Variants in NLRP7 observed in about 807,000 individuals in gnomAD.
The protein encoded by NLRP7 is NLR family pyrin domain containing 7.
A neutral mutation model predicts 85.5 loss-of-function variants in NLRP7; 72 were observed. The observed-to-expected ratio is 0.84, with a 90% CI of 0.70 to 1.02. NLRP7 has a LOEUF of 1.02. NLRP7 is among the 50% of genes least tolerant of loss of function. The pLI, the probability that NLRP7 is intolerant of heterozygous loss-of-function variation, is 0.00. For synonymous variants in NLRP7, 550 were observed against 505.2 expected, an observed-to-expected ratio of 1.09 and a Z score of -1.19; for missense variants, 1,243 against 1,219.5, an observed-to-expected ratio of 1.02 and a Z score of -0.29.
At chr19:54,938,303 C>A in intron 4 of NLRP7, 62 bp from the exon 5 acceptor site, 1 of 1,377,684 alleles carries the variant, frequency 7.3e-7, no homozygotes, top group African/African-American at 1.4e-5. Flanking sequence ...TGGGCATCTG[C>A]AAACCACATT....
upstream of NLRP7, among the ~76,000 whole-genome samples, chr19:54,950,324 C>A (rs145935889): frequency 1.3e-5 from 2 of 152,046 alleles, no homozygotes. Context: ...GGGCATTTCT[C>A]GTTAGGTGGA....
At position 54,938,241 on chromosome 19, in the gene NLRP7, C is replaced by A. The variant is rs200022248; in HGVS notation, c.1932G>T (p.Arg644Ser). 3 of 1,613,706 alleles carry A rather than the reference C, an allele frequency of 1.9e-6. No individual in the cohort carries two copies. Among genetic ancestry groups the A allele is most frequent in the African/African-American group, 1.3e-5 (1 of 75,028 alleles). ...AGTTCGGAATGGTTAGGTAAGTGCA[C>A]CTGCAGGAGAACACACGTTCATCTC... is the stretch of plus-strand genomic sequence containing the variant. The change falls in exon 5 of 10, where the codon AGG becomes AGT. Residue 644 changes from arginine (R) to serine (S), a missense_variant and splice_region_variant. Arg to Ser is a moderately radical substitution (Grantham distance 110). This residue lies in a region of NLRP7 where 613 missense variants were observed against 588.4 expected (regional missense o/e 1.04). Transcript: ENST00000340844.
exon 4 of NLRP7, chr19:54,939,052 G>T (rs61746602): frequency 1.7e-5 from 28 of 1,614,026 alleles, no homozygotes; most frequent in Non-Finnish European, 2.2e-5. Flanking sequence ...CCTTGAACGG[G>T]GCCACCACCA....
At chr19:54,947,012 C>G (rs919626862) in intron 1 of NLRP7, among the ~76,000 whole-genome samples, 1 of 151,648 alleles carries the variant, frequency 6.6e-6, no homozygotes, top group African/African-American at 2.4e-5. Flanking sequence ...CTCCTCTAAA[C>G]TATATTTGAA....
intron 1 of NLRP7, among the ~76,000 whole-genome samples, chr19:54,955,092 C>G (rs564119982): frequency 2.6e-4 from 40 of 152,250 alleles, no homozygotes; most frequent in African/African-American, 9.4e-4. Flanking sequence ...CTTTGGGAGG[C>G]CAAGGCTGGC....
In NLRP7 at chr19:54,941,772, CA is replaced by C. The variant is rs774421674; in HGVS notation, c.-39-23del. ...AGAACTGGGGGGAAAAAAGGAAAAA[CA>C]GTTCACGAGTTACCATCATTAAATG... On this transcript the variant is annotated intron_variant, in intron 1 of 9. Coordinates refer to ENST00000340844, the Ensembl canonical transcript of NLRP7. The C allele has an allele frequency of 1.5e-5, 24 of 1,554,978 alleles. No individual in the cohort carries two copies. The Middle Eastern group carries it at 5.2e-4, about 33-fold the overall frequency.
chr19:54,933,528 G>T (rs1449630242), intron 8 of NLRP7, 41 bp downstream of exon 8: 2 of 1,605,924 alleles, frequency 1.2e-6, no homozygotes, highest in Non-Finnish European at 1.7e-6. Flanking sequence ...TCTCCTGCTT[G>T]AATTCATGTG....
intron 1 of NLRP7, among the ~76,000 whole-genome samples, chr19:54,960,796 C>T (rs988452252): frequency 8.6e-5 from 13 of 151,698 alleles, no homozygotes; most frequent in South Asian, 2.1e-4. Flanking sequence ...GGGGTTTCAC[C>T]GTGTTAGCCA....
chr19:54,965,921 AAATAAT>A (rs1302916950), intron 1 of NLRP7: 1 of 69,102 alleles, frequency 1.4e-5, no homozygotes, highest in Non-Finnish European at 3.0e-5. Flanking sequence ...ATTAAAAATA[AAATAAT>A]AATAATACTG....
At chr19:54,926,258 A>G (rs954315460) in intron 9 of NLRP7, among the ~76,000 whole-genome samples, 3 of 151,950 alleles carry the variant, frequency 2.0e-5, no homozygotes, top group Non-Finnish European at 4.4e-5. Flanking sequence ...ACAAGCTTCC[A>G]GTCTGTACTC....
rs367827849 is a variant in NLRP7 at position 54,940,353 on chromosome 19, G to C, written c.466C>G (p.Arg156Gly). ...CTGGGATTCAAGAATGGAATGAACCGTTGGTTTCTCAGAGTGACGTCGTCA... is the reference window on the plus strand; with the variant it reads ...CTGGGATTCAAGAATGGAATGAACCCTTGGTTTCTCAGAGTGACGTCGTCA... The change falls in exon 4 of 10, where the codon CGG (arginine) becomes GGG (glycine). Residue 156 changes from arginine to glycine, a missense_variant. Transcript: ENST00000340844. 4 of 1,614,072 alleles carry C rather than the reference G, an allele frequency of 2.5e-6. No homozygotes were observed. The highest frequency in any genetic ancestry group is 2.7e-5 in the African/African-American group (2 of 74,936).
chr19:54,947,271 G>A (rs1022656664), intron 1 of NLRP7, among the ~76,000 whole-genome samples, 198 bp downstream of exon 1: 2 of 151,448 alleles, frequency 1.3e-5, no homozygotes, highest in Admixed American at 6.6e-5. Flanking sequence ...AGTTTGCAGC[G>A]AACCAAGATC....
chr19:54,940,579 C>T (rs1286309961), intron 3 of NLRP7, 113 bp from the exon 4 acceptor site: 2 of 1,302,936 alleles, frequency 1.5e-6, no homozygotes, highest in East Asian at 2.3e-5. Flanking sequence ...GTAATCCCGG[C>T]ACTTTGGGAG....
intron 1 of NLRP7, among the ~76,000 whole-genome samples, chr19:54,944,186 C>A (rs781415232): frequency 7.9e-5 from 12 of 151,474 alleles, no homozygotes; most frequent in Non-Finnish European, 1.8e-4. Flanking sequence ...AAGAGGAAGG[C>A]CTTTTTGCAG....
At chr19:54,937,215 C>CA (rs570045116) in intron 5 of NLRP7, among the ~76,000 whole-genome samples, 1,149 of 77,426 alleles carry the variant, frequency 0.015, 15 homozygotes, top group African/African-American at 0.044. Context: ...GAGACTGTCT[C>CA]AAAAAAAAAA....
chr19:54,931,384 C>T (rs1439747425), intron 8 of NLRP7, among the ~76,000 whole-genome samples: 1 of 152,036 alleles, frequency 6.6e-6, no homozygotes, highest in Non-Finnish European at 1.5e-5. Flanking sequence ...TGGTGAAACC[C>T]CATCTTTACT....
At chr19:54,957,985 G>A (rs2069914507) in intron 1 of NLRP7, among the ~76,000 whole-genome samples, 2 of 152,060 alleles carry the variant, frequency 1.3e-5, no homozygotes, top group Admixed American at 1.3e-4. Context: ...GGAGGCCCAG[G>A]TGGGTGGATC....
chr19:54,931,886 C>T (rs2146177389), intron 8 of NLRP7, among the ~76,000 whole-genome samples: 1 of 151,868 alleles, frequency 6.6e-6, no homozygotes. Flanking sequence ...CTGATTCCAT[C>T]CATTTCCAGC....
intron 9 of NLRP7, among the ~76,000 whole-genome samples, chr19:54,925,231 G>A (rs1001507401): frequency 3.3e-5 from 5 of 152,060 alleles, no homozygotes; most frequent in Non-Finnish European, 4.4e-5. Context: ...GACCACAGGG[G>A]GCTAGAGATT....
Sources: allele counts gnomAD v4.1 joint callset (sites outside exome capture counted in the v4.1 genomes callset), GRCh38; gene constraint gnomAD v4.1.1; regional missense constraint gnomAD v4.1.1; transcripts MANE v1.5; gene names NCBI Gene and HGNC (gene_info 2026-07-23, HGNC 2026-07-21).